Variants in TBC1D22A observed in about 807,000 individuals in gnomAD.
TBC1D22A encodes putative GTPase activator.
Under a neutral mutation model 60.2 loss-of-function variants are expected in TBC1D22A, and 38 were observed. That is an observed-to-expected ratio of 0.63 (90% CI 0.49 to 0.83). The LOEUF (loss-of-function observed/expected upper bound fraction) is 0.83. TBC1D22A is among the 40% of genes least tolerant of loss of function. The pLI is 0.00. For missense variants in TBC1D22A, 628 were observed against 701.0 expected, an observed-to-expected ratio of 0.90 and a Z score of 1.18; for synonymous variants, 302 against 281.7, an observed-to-expected ratio of 1.07 and a Z score of -0.72.
intron 12 of TBC1D22A, among the ~76,000 whole-genome samples, chr22:47,171,901 G>A (rs1441277171): frequency 2.0e-5 from 3 of 150,884 alleles, no homozygotes; most frequent in African/African-American, 7.2e-5. Context: ...GTGGGACTCA[G>A]TGCCCCCATA....
chr22:46,967,237 G>GC (rs2073846252), intron 8 of TBC1D22A, among the ~76,000 whole-genome samples: 2 of 152,168 alleles, frequency 1.3e-5, no homozygotes, highest in South Asian at 4.1e-4. Flanking sequence ...AGTTGTTTTT[G>GC]CTGAACCAAA....
intron 4 of TBC1D22A, among the ~76,000 whole-genome samples, chr22:46,801,964 C>T (rs1358011485): frequency 6.6e-6 from 1 of 152,242 alleles, no homozygotes; most frequent in Non-Finnish European, 1.5e-5. Flanking sequence ...GTCCGTGGCT[C>T]TAGGGCAGCC....
At chr22:47,107,601 A>G (rs1026547510) in intron 11 of TBC1D22A, among the ~76,000 whole-genome samples, 27 of 152,268 alleles carry the variant, frequency 1.8e-4, no homozygotes, top group African/African-American at 6.5e-4. Flanking sequence ...ACGAAGAGCT[A>G]TATCATGGTC....
chr22:46,898,436 A>G (rs1364303833), intron 7 of TBC1D22A, among the ~76,000 whole-genome samples: 1 of 152,194 alleles, frequency 6.6e-6, no homozygotes, highest in East Asian at 1.9e-4. Flanking sequence ...CTCCAAATTT[A>G]AAGGGGACAG....
At chr22:46,840,682 G>GA (rs2086715880) in intron 4 of TBC1D22A, among the ~76,000 whole-genome samples, 1 of 151,630 alleles carries the variant, frequency 6.6e-6, no homozygotes, top group Non-Finnish European at 1.5e-5. Context: ...GCAGTGAGCC[G>GA]AGATTGCGCC....
At chr22:47,051,683 G>A (rs905744205) in intron 11 of TBC1D22A, among the ~76,000 whole-genome samples, 1 of 152,168 alleles carries the variant, frequency 6.6e-6, no homozygotes, top group Non-Finnish European at 1.5e-5. Flanking sequence ...GTGAGCCCTG[G>A]CCGCTTGCCT....
At chr22:47,151,574 C>G (rs1052585767) in intron 12 of TBC1D22A, among the ~76,000 whole-genome samples, 29 of 152,188 alleles carry the variant, frequency 1.9e-4, no homozygotes, top group African/African-American at 6.8e-4. Context: ...TGGGCTCCCT[C>G]GTGGCCCCTC....
intron 8 of TBC1D22A, among the ~76,000 whole-genome samples, chr22:46,966,234 C>T (rs527353610): frequency 1.3e-5 from 2 of 152,182 alleles, no homozygotes; most frequent in African/African-American, 4.8e-5. Context: ...TCATGCTTTC[C>T]AGCCCGGTCG....
intron 11 of TBC1D22A, among the ~76,000 whole-genome samples, chr22:47,094,704 CT>C (rs1166277185): frequency 6.6e-6 from 1 of 152,090 alleles, no homozygotes; most frequent in Non-Finnish European, 1.5e-5. Context: ...TAGTTTATGT[CT>C]TTCTCTTATA....
chr22:46,960,662 C>G (rs1226370579), intron 8 of TBC1D22A, among the ~76,000 whole-genome samples: 1 of 152,092 alleles, frequency 6.6e-6, no homozygotes, highest in East Asian at 1.9e-4. Context: ...CCAGTCCAGG[C>G]CAGGCGCGGC....
chr22:47,099,352 TA>T (rs2065316236), intron 11 of TBC1D22A, among the ~76,000 whole-genome samples: 1 of 152,004 alleles, frequency 6.6e-6, no homozygotes, highest in South Asian at 2.1e-4. Flanking sequence ...GAGTTGGGTT[TA>T]GGGGCGGTCA....
intron 11 of TBC1D22A, among the ~76,000 whole-genome samples, chr22:47,101,362 C>T (rs1311870987): frequency 6.6e-6 from 1 of 152,194 alleles, no homozygotes; most frequent in Non-Finnish European, 1.5e-5. Flanking sequence ...ATTGTTTCAC[C>T]AGGAGTGCTG....
intron 8 of TBC1D22A, among the ~76,000 whole-genome samples, chr22:46,929,494 T>C (rs1320046833): frequency 2.0e-5 from 3 of 152,236 alleles, no homozygotes. Flanking sequence ...GTCTGTGTGC[T>C]TACAGATGTA....
chr22:46,934,899 T>A (rs2071558758), intron 8 of TBC1D22A, among the ~76,000 whole-genome samples: 1 of 152,240 alleles, frequency 6.6e-6, no homozygotes, highest in Non-Finnish European at 1.5e-5. Context: ...CACAGCGTTT[T>A]CACAAGGCCA....
chr22:47,024,895 C>G (rs1002504630), intron 10 of TBC1D22A, among the ~76,000 whole-genome samples: 1 of 152,072 alleles, frequency 6.6e-6, no homozygotes, highest in African/African-American at 2.4e-5. Flanking sequence ...TATGAAGAAG[C>G]AAATAGTTTA....
At chr22:47,117,636 G>A (rs1016376652) in intron 12 of TBC1D22A, among the ~76,000 whole-genome samples, 6 of 152,220 alleles carry the variant, frequency 3.9e-5, no homozygotes, top group African/African-American at 1.4e-4. Flanking sequence ...GGCCGCAGGA[G>A]CGAGGAAAGC....
At chr22:47,143,578 G>C (rs576520711) in intron 12 of TBC1D22A, among the ~76,000 whole-genome samples, 3 of 152,228 alleles carry the variant, frequency 2.0e-5, no homozygotes, top group Admixed American at 6.5e-5. Context: ...CGTGCAGAAA[G>C]CCTGTGACTG....
intron 4 of TBC1D22A, among the ~76,000 whole-genome samples, chr22:46,854,345 C>G (rs1203218523): frequency 6.6e-6 from 1 of 152,214 alleles, no homozygotes; most frequent in Admixed American, 6.5e-5. Flanking sequence ...GGCGCAGACA[C>G]TGCTCCACAG....
At chr22:47,066,540 C>T (rs1055143611) in intron 11 of TBC1D22A, among the ~76,000 whole-genome samples, 3 of 152,182 alleles carry the variant, frequency 2.0e-5, no homozygotes, top group African/African-American at 7.2e-5. Context: ...AGGGACCAAG[C>T]GTGTGCGGAG....
Sources: gnomAD v4.1 joint callset for allele counts (sites outside exome capture counted in the v4.1 genomes callset) on GRCh38, gnomAD v4.1.1 for gene constraint, MANE v1.5 for transcripts, NCBI Gene and HGNC (gene_info 2026-07-23, HGNC 2026-07-21) for gene names.